The following GTF3C2 variants were observed in gnomAD, a reference collection of about 807,000 sequenced individuals.
GTF3C2 encodes general transcription factor IIIC subunit 2.
GTF3C2 carries 17 observed loss-of-function variants against 117.4 expected under a neutral mutation model. The ratio of observed to expected loss-of-function variants is 0.14; its 90% CI spans 0.10 to 0.22. GTF3C2 has a LOEUF of 0.22. Among genes scored for constraint, GTF3C2 ranks in the 10% least tolerant of loss-of-function variants. GTF3C2 has a pLI of 1.00. For missense variants in GTF3C2, 888 were observed against 1,143.6 expected, an observed-to-expected ratio of 0.78 and a Z score of 3.22; for synonymous variants, 437 against 427.0, an observed-to-expected ratio of 1.02 and a Z score of -0.29.
exon 3 of GTF3C2, chr2:27,342,949 G>A: frequency 6.2e-7 from 1 of 1,614,114 alleles, no homozygotes; most frequent in Non-Finnish European, 8.5e-7. Context: ...CAGCAGCTCT[G>A]CCTTGGACTT....
At chr2:27,349,209 G>A (rs1390435373) in intron 1 of GTF3C2, among the ~76,000 whole-genome samples, 11 of 142,610 alleles carry the variant, frequency 7.7e-5, no homozygotes, top group African/African-American at 2.6e-4. Context: ...GTGCAGTGGC[G>A]CGATTTCGGC....
At position 27,342,816 on chromosome 2, in the gene GTF3C2, C is replaced by A; in HGVS notation, c.569+10G>T. 1 of 1,607,380 alleles carries A rather than the reference C, an allele frequency of 6.2e-7. No individual in the cohort carries two copies. Among genetic ancestry groups the A allele is most frequent in the Non-Finnish European group, 8.5e-7 (1 of 1,175,530 alleles). ...CCCCCCTCCACCAAGCTATGCCCCACAATCCTTACACTTGGGCAGCCCTTC... is the reference window on the plus strand; with the variant it reads ...CCCCCCTCCACCAAGCTATGCCCCAAAATCCTTACACTTGGGCAGCCCTTC... On this transcript the variant is annotated intron_variant, in intron 3 of 18. Coordinates refer to ENST00000264720, the Ensembl canonical transcript of GTF3C2.
At chr2:27,328,800 C>T in intron 15 of GTF3C2, 44 bp downstream of exon 15, 2 of 1,400,318 alleles carry the variant, frequency 1.4e-6, no homozygotes, top group Non-Finnish European at 2.0e-6. Context: ...ATAAATGAGC[C>T]ATTTTCCTTT....
chr2:27,356,313 C>T (rs1213591339), intron 1 of GTF3C2: 11 of 370,112 alleles, frequency 3.0e-5, no homozygotes, highest in Non-Finnish European at 1.6e-5. Flanking sequence ...GATTGACCCA[C>T]AACCACTCTA....
chr2:27,325,917 ATACTT>A (rs1054770950), exon 19 of GTF3C2: 2 of 190,022 alleles, frequency 1.1e-5, no homozygotes, highest in African/African-American at 4.7e-5. Flanking sequence ...CTATGGTTAA[ATACTT>A]AACAGGGCAA....
chr2:27,354,464 C>T (rs1038990986), intron 1 of GTF3C2, among the ~76,000 whole-genome samples: 6 of 152,186 alleles, frequency 3.9e-5, no homozygotes. Flanking sequence ...CTATACAAGT[C>T]TTAAGGATTT....
chr2:27,351,032 C>T (rs1681114877), intron 1 of GTF3C2, among the ~76,000 whole-genome samples: 1 of 151,866 alleles, frequency 6.6e-6, no homozygotes, highest in African/African-American at 2.4e-5. Context: ...GGGAGGATCA[C>T]TTATGCCCAG....
chr2:27,336,762 C>G (rs915484449), intron 7 of GTF3C2: 1 of 265,502 alleles, frequency 3.8e-6, no homozygotes. Context: ...GCATATGCCA[C>G]CATACCCCAC....
intron 1 of GTF3C2, among the ~76,000 whole-genome samples, chr2:27,351,147 C>A (rs1681120278): frequency 6.6e-6 from 1 of 151,932 alleles, no homozygotes; most frequent in African/African-American, 2.4e-5. Context: ...CATGGTGGCT[C>A]ACGCCTGTAA....
intron 7 of GTF3C2, among the ~76,000 whole-genome samples, chr2:27,336,957 G>C (rs1680504430): frequency 6.6e-6 from 1 of 152,118 alleles, no homozygotes; most frequent in Admixed American, 6.6e-5. Context: ...GTTCATTCTG[G>C]CATACTATAG....
intron 1 of GTF3C2, among the ~76,000 whole-genome samples, chr2:27,352,234 T>C (rs1328071930): frequency 6.6e-6 from 1 of 152,190 alleles, no homozygotes; most frequent in African/African-American, 2.4e-5. Flanking sequence ...CATCCAACTC[T>C]TTTATGTGTG....
intron 5 of GTF3C2, 51 bp from the exon 6 acceptor site, chr2:27,337,609 C>T: frequency 1.6e-6 from 2 of 1,226,552 alleles, no homozygotes; most frequent in Non-Finnish European, 2.4e-6. Context: ...TACAGCCGCA[C>T]AGTCCAATAA....
chr2:27,329,249 T>A lies in GTF3C2; in HGVS notation c.1911A>T (p.Lys637Asn). Residue 637 changes from lysine to asparagine, a missense_variant, in exon 14 of 19, where the codon AAA becomes AAT. Physicochemically the swap from Lys to Asn is moderately conservative, Grantham distance 94 (BLOSUM62 0). Around this residue, in one of 7 missense-constraint regions of GTF3C2, gnomAD observed 277 missense variants for 445.4 expected, o/e 0.62. Coordinates refer to ENST00000264720, the Ensembl canonical transcript of GTF3C2. This position sits in a 1 kb window ranked among gnomAD's most constrained non-coding sequence, Gnocchi z 4.5. ...GACGTCGAAGGTCCCAGAATTTGAT[T>A]TTCCGGTCACTCCCCGCAGAGACAA... 1 of 1,614,186 alleles carries A rather than the reference T, an allele frequency of 6.2e-7. No individual in the cohort carries two copies. The highest frequency in any genetic ancestry group is 8.5e-7 in the Non-Finnish European group (1 of 1,180,034).
intron 1 of GTF3C2, among the ~76,000 whole-genome samples, chr2:27,347,703 A>G (rs1002308802): frequency 1.3e-5 from 2 of 152,230 alleles, no homozygotes; most frequent in African/African-American, 4.8e-5. Flanking sequence ...TCCAAGAGCT[A>G]GGGTTTGAAC....
In GTF3C2 at chr2:27,342,814, C is replaced by G. The variant is rs1265577546; in HGVS notation, c.569+12G>C. On this transcript the variant is annotated intron_variant, in intron 3 of 18. Coordinates refer to ENST00000264720, the Ensembl canonical transcript of GTF3C2. ...AACCCCCCTCCACCAAGCTATGCCC[C>G]ACAATCCTTACACTTGGGCAGCCCT... The G allele has an allele frequency of 1.2e-6, 2 of 1,606,414 alleles. No individual in the cohort carries two copies. The highest frequency in any genetic ancestry group is 1.7e-6 in the Non-Finnish European group (2 of 1,174,950).
exon 19 of GTF3C2, chr2:27,326,194 C>T: frequency 2.1e-6 from 1 of 471,726 alleles, no homozygotes; most frequent in Non-Finnish European, 4.4e-6. Context: ...TACTATCACC[C>T]TCGTGGGCAT....
chr2:27,335,411 G>T, intron 10 of GTF3C2, 187 bp downstream of exon 10: 1 of 710,358 alleles, frequency 1.4e-6, no homozygotes. Context: ...AAAGAGTACA[G>T]CTGTAAGACT....
At chr2:27,337,744 T>G in intron 5 of GTF3C2, 182 bp downstream of exon 5, 1 of 690,100 alleles carries the variant, frequency 1.4e-6, no homozygotes, top group Non-Finnish European at 2.6e-6. Flanking sequence ...CCTTTCATTT[T>G]ATTTCACTTT....
Position 27,328,046 on chromosome 2 carries a change from G to A in GTF3C2, c.2400C>T (p.Asp800=), listed in dbSNP as rs747950098. 6.2e-6 allele frequency: 10 copies of A among 1,609,222 alleles called. No individual in the cohort carries two copies. In the South Asian group the frequency reaches 8.9e-5, roughly 14 times the overall value. The change falls in exon 17 of 19, where the codon GAC becomes GAT. Residue 800 remains aspartate, a synonymous_variant. Coordinates refer to ENST00000264720, the Ensembl canonical transcript of GTF3C2. ...CCTGGCCTCAGCTTACCAAATCTGT[G>A]TCTTGAAAGAGCAAGTAGTGATGGT...
Sources: allele counts gnomAD v4.1 joint callset (sites outside exome capture counted in the v4.1 genomes callset), GRCh38; gene constraint gnomAD v4.1.1; regional missense constraint gnomAD v4.1.1; non-coding constraint Gnocchi (gnomAD v3.1); transcripts MANE v1.5; gene names NCBI Gene and HGNC (gene_info 2026-07-23, HGNC 2026-07-21).